The following AGBL4 variants were observed in gnomAD, a reference collection of about 807,000 sequenced individuals.
The protein encoded by AGBL4 is AGBL carboxypeptidase 4.
AGBL4 carries 58 observed loss-of-function variants against 66.4 expected under a neutral mutation model. The ratio of observed to expected loss-of-function variants is 0.87; its 90% CI spans 0.71 to 1.09. The LOEUF (loss-of-function observed/expected upper bound fraction) is 1.09, where lower values mean the gene tolerates loss of function less well. AGBL4 is among the 50% of genes least tolerant of loss of function. AGBL4 has a pLI of 0.00. For missense variants in AGBL4, 579 were observed against 631.0 expected (o/e 0.92, Z 0.88); for synonymous variants, 234 against 222.9 (o/e 1.05, Z -0.44).
chr1:48,801,135 A>G (rs1434206659), intron 6 of AGBL4, among the ~76,000 whole-genome samples: 1 of 152,208 alleles, frequency 6.6e-6, no homozygotes, highest in Non-Finnish European at 1.5e-5. Context: ...CAGCTCCCAC[A>G]CAGCCAGCAA....
At chr1:49,523,803 C>T (rs1650447233) in intron 3 of AGBL4, among the ~76,000 whole-genome samples, 1 of 152,088 alleles carries the variant, frequency 6.6e-6, no homozygotes, top group South Asian at 2.1e-4. Context: ...CCATGATTAT[C>T]CCTGCACTCA....
At chr1:48,619,061 C>T (rs1170977449) in intron 9 of AGBL4, among the ~76,000 whole-genome samples, 2 of 152,166 alleles carry the variant, frequency 1.3e-5, no homozygotes, top group African/African-American at 4.8e-5. Flanking sequence ...CTGCTGGGCC[C>T]CTGGTGAGCA....
At chr1:49,846,204 G>A (rs1646138454) in intron 2 of AGBL4, 7 of 1,461,800 alleles carry the variant, frequency 4.8e-6, no homozygotes, top group Non-Finnish European at 5.7e-6. Context: ...TCCTCACTCA[G>A]CCAGCACAAA....
rs187641437 is a variant in AGBL4, at chr1:48,851,454, T to C, written c.634+15737A>G. On this transcript the variant is annotated intron_variant, in intron 6 of 13. Transcript: ENST00000371839. ...CCAGAGCATGGAAGGGGGTTAGTAA[T>C]TGGAACCTGGCCTCTAAGACAGTAT... Among the ~76,000 whole-genome samples the C allele has an allele frequency of 4.8e-4, 73 of 152,268 alleles. 1 individual carries two copies. In the South Asian group the frequency reaches 9.5e-3, roughly 20 times the overall value.
chr1:49,410,469 T>A (rs2148626219), intron 3 of AGBL4, among the ~76,000 whole-genome samples: 1 of 152,196 alleles, frequency 6.6e-6, no homozygotes, highest in African/African-American at 2.4e-5. Context: ...AAGGGAGCAT[T>A]TTAACAGCTC....
At chr1:49,082,815 C>T (rs1248846584) in intron 4 of AGBL4, among the ~76,000 whole-genome samples, 1 of 152,186 alleles carries the variant, frequency 6.6e-6, no homozygotes, top group Admixed American at 6.5e-5. Context: ...TGAAACAAGG[C>T]AAGTCCCTTC....
intron 1 of AGBL4, among the ~76,000 whole-genome samples, chr1:49,956,103 T>A (rs1656583270): frequency 6.6e-6 from 1 of 151,914 alleles, no homozygotes; most frequent in Non-Finnish European, 1.5e-5. Context: ...CTCAAAGCAC[T>A]GTCACTCATC....
At position 48,776,516 on chromosome 1, in the gene AGBL4, C is replaced by T. The variant is rs540364639; in HGVS notation, c.634+90675G>A. ...GGCAGGAAGGAGCAAGCAGTGGCTC[C>T]CCCCGGTCCCCTCCGCCCGGGCCCC... On this transcript the variant is annotated intron_variant, in intron 6 of 13. Transcript: ENST00000371839. 42 of 960,666 alleles carry T rather than the reference C, an allele frequency of 4.4e-5. No individual in the cohort carries two copies. In the African/African-American group the frequency reaches 6.6e-4, roughly 15 times the overall value. 59.5% of individuals were successfully genotyped at this position (960,666 alleles called of 1,614,324 possible).
At chr1:49,096,437 C>G (rs1276535271) in intron 4 of AGBL4, among the ~76,000 whole-genome samples, 8 of 151,784 alleles carry the variant, frequency 5.3e-5, no homozygotes, top group African/African-American at 1.2e-4. Context: ...TTGGAACCAA[C>G]CCAAATGTCC....
At chr1:49,123,760 T>C (rs1186302242) in intron 4 of AGBL4, among the ~76,000 whole-genome samples, 2 of 152,212 alleles carry the variant, frequency 1.3e-5, no homozygotes, top group African/African-American at 2.4e-5. Flanking sequence ...AGAAACTTAA[T>C]TGAGTTTTGT....
At chr1:50,016,932 C>A (rs112536443) in intron 1 of AGBL4, among the ~76,000 whole-genome samples, 2 of 152,174 alleles carry the variant, frequency 1.3e-5, no homozygotes, top group Non-Finnish European at 2.9e-5. Flanking sequence ...AATCCCACTA[C>A]TGAGTATATA....
At chr1:49,235,268 G>T (rs1650637367) in intron 4 of AGBL4, among the ~76,000 whole-genome samples, 1 of 152,204 alleles carries the variant, frequency 6.6e-6, no homozygotes, top group South Asian at 2.1e-4. Flanking sequence ...TGTCTGCTAT[G>T]AGAGAGAGAA....
chr1:49,696,391 T>G (rs979576186), intron 3 of AGBL4, among the ~76,000 whole-genome samples: 5 of 151,978 alleles, frequency 3.3e-5, no homozygotes, highest in African/African-American at 1.2e-4. Flanking sequence ...GCTGAAGAAA[T>G]TATGGTTAAA....
chr1:49,984,409 T>C (rs1414970797), intron 1 of AGBL4, among the ~76,000 whole-genome samples: 1 of 152,234 alleles, frequency 6.6e-6, no homozygotes, highest in Non-Finnish European at 1.5e-5. Context: ...GTAACACATT[T>C]AAATGTTAAG....
chr1:48,996,858 T>C (rs1422507431), intron 5 of AGBL4, among the ~76,000 whole-genome samples: 5 of 65,074 alleles, frequency 7.7e-5, no homozygotes, highest in South Asian at 9.6e-4. Flanking sequence ...TTCCTTCCTG[T>C]CTACTTATCT....
chr1:48,658,275 T>C (rs1176016831), intron 7 of AGBL4, among the ~76,000 whole-genome samples: 3 of 152,240 alleles, frequency 2.0e-5, no homozygotes, highest in African/African-American at 7.2e-5. Context: ...TGGAATAATT[T>C]GCATATGCCT....
At position 48,559,483 on chromosome 1, in the gene AGBL4, G is replaced by T. The variant is rs551176961; in HGVS notation, c.1268-19745C>A. Among the ~76,000 whole-genome samples the T allele has an allele frequency of 5.9e-5, 9 of 152,276 alleles. No individual in the cohort carries two copies. The South Asian group carries it at 1.9e-3, about 32-fold the overall frequency. ...AAATCAAGGACTTTGGAATCACAAAGATCCCACCACTAACCAGTTGCTTAA... is the reference window on the plus strand; with the variant it reads ...AAATCAAGGACTTTGGAATCACAAATATCCCACCACTAACCAGTTGCTTAA... On this transcript the variant is annotated intron_variant, in intron 11 of 13. Transcript: ENST00000371839.
chr1:48,574,533 T>C (rs1644618706), intron 11 of AGBL4, among the ~76,000 whole-genome samples: 2 of 150,566 alleles, frequency 1.3e-5, no homozygotes, highest in Admixed American at 1.3e-4. Flanking sequence ...TTTTCTTTTC[T>C]TTTCTTTTTT....
At chr1:49,746,484 C>A (rs538237831) in intron 2 of AGBL4, among the ~76,000 whole-genome samples, 1 of 151,958 alleles carries the variant, frequency 6.6e-6, no homozygotes, top group African/African-American at 2.4e-5. Context: ...AACATAGTAT[C>A]CTGATCCTTG....
Sources: gnomAD v4.1 joint callset for allele counts (sites outside exome capture counted in the v4.1 genomes callset) on GRCh38, gnomAD v4.1.1 for gene constraint, MANE v1.5 for transcripts, NCBI Gene and HGNC (gene_info 2026-07-23, HGNC 2026-07-21) for gene names.